SLC12A2: variants seen among roughly 807,000 people sequenced by gnomAD.
SLC12A2 encodes the protein solute carrier family 12 member 2, also known as Na-K-2Cl cotransporter 1.
In SLC12A2, 67 loss-of-function variants were observed where a neutral mutation model predicts 136.3. The ratio of observed to expected loss-of-function variants is 0.49; its 90% confidence interval spans 0.40 to 0.60. SLC12A2 has a LOEUF of 0.60. Among genes scored for constraint, SLC12A2 ranks in the 20% least tolerant of loss-of-function variants. The probability of loss-of-function intolerance (pLI) is 0.00; values close to 1 mark genes in which losing one functional copy is unlikely to be tolerated. For synonymous variants in SLC12A2, 619 were observed against 562.9 expected, an observed-to-expected ratio of 1.10 and a Z score of -1.41; for missense variants, 1,322 against 1,534.7, an observed-to-expected ratio of 0.86 and a Z score of 2.32.
intron 16 of SLC12A2, 41 bp from the exon 17 acceptor site, chr5:128,161,619 T>A (rs1407573679): frequency 4.8e-6 from 6 of 1,239,702 alleles, no homozygotes; most frequent in Non-Finnish European, 6.2e-6. Context: ...TGAAGTTGCT[T>A]ACCTTTTAAT....
chr5:128,126,514 A>G lies in SLC12A2; in HGVS notation c.1049-4553A>G, dbSNP rs534640616. 3.9e-5 allele frequency among the ~76,000 whole-genome samples: 6 copies of G among 152,278 alleles called. No individual in the cohort carries two copies. In the East Asian group the frequency reaches 7.7e-4, roughly 20 times the overall value. On this transcript the variant is annotated intron_variant, in intron 4 of 26. Coordinates refer to ENST00000262461, the MANE Select transcript of SLC12A2 (RefSeq NM_001046.3). The stretch of plus-strand genomic sequence containing the variant: ...AAAAATAGAGCTACCATATGATCCA[A>G]TGCTGTGTATATACCCAAAAGAAAG...
intron 17 of SLC12A2, among the ~76,000 whole-genome samples, chr5:128,162,535 G>A (rs1169352043): frequency 6.6e-6 from 1 of 151,928 alleles, no homozygotes; most frequent in Non-Finnish European, 1.5e-5. Flanking sequence ...GAAGAATGAG[G>A]CACCAAAAGT....
rs764034991 is a variant in SLC12A2, at chr5:128,167,838, G to A, written c.2694G>A (p.Arg898=). The A allele has an allele frequency of 3.1e-6, 5 of 1,601,358 alleles. No homozygotes were observed. The Admixed American group carries it at 5.1e-5, about 16-fold the overall frequency. The change falls in exon 18 of 27, where the codon AGG becomes AGA. Residue 898 remains arginine, a synonymous_variant. Coordinates refer to ENST00000262461, the MANE Select transcript of SLC12A2 (RefSeq NM_001046.3). ...FKKDWLQADM[R]DVDMYINLFH... ...AAGATTGGTTGCAAGCAGATATGAGGGATGTGGATATGTATATAAACTTAT... is the reference window on the plus strand; with the variant it reads ...AAGATTGGTTGCAAGCAGATATGAGAGATGTGGATATGTATATAAACTTAT...
rs1435352419 is a variant in SLC12A2, at chr5:128,138,602, A to G, written c.1414A>G (p.Ile472Val). The G allele has an allele frequency of 6.2e-7, 1 of 1,606,796 alleles. No individual in the cohort carries two copies. The change falls in exon 8 of 27, where the codon ATA (isoleucine) becomes GTA (valine). Residue 472 changes from isoleucine to valine, a missense_variant. By Grantham distance (29) the Ile-to-Val change is conservative. This residue lies in a region of SLC12A2 where 110 missense variants were observed against 114.5 expected (regional missense o/e 0.96). Coordinates refer to ENST00000262461, the MANE Select transcript of SLC12A2 (RefSeq NM_001046.3). ...PKGFFGYKSE[I>V]FNENFGPDFR... ...GAATATTTTGTTCTCTGCAGCTGAA[A>G]TATTTAATGAGAACTTTGGGCCCGA...
At chr5:128,130,153 G>A (rs1249288477) in intron 4 of SLC12A2, among the ~76,000 whole-genome samples, 14 of 151,990 alleles carry the variant, frequency 9.2e-5, no homozygotes, top group Admixed American at 9.2e-4. Context: ...GCTCACACCT[G>A]TGATTCCAGC....
At chr5:128,144,881 A>G (rs185691506) in intron 10 of SLC12A2, among the ~76,000 whole-genome samples, 4 of 152,020 alleles carry the variant, frequency 2.6e-5, no homozygotes, top group Non-Finnish European at 4.4e-5. Flanking sequence ...CATTCATTTT[A>G]TTTACTTGCT....
At chr5:128,131,957 A>G (rs1762038142) in intron 5 of SLC12A2, among the ~76,000 whole-genome samples, 1 of 152,244 alleles carries the variant, frequency 6.6e-6, no homozygotes, top group South Asian at 2.1e-4. Flanking sequence ...GTGAGCCGAG[A>G]TCGCGCCTTT....
chr5:128,125,289 G>C (rs78797627), intron 4 of SLC12A2, among the ~76,000 whole-genome samples: 1 of 152,168 alleles, frequency 6.6e-6, no homozygotes, highest in African/African-American at 2.4e-5. Flanking sequence ...GCCTTACTGC[G>C]TGTGAAATGA....
chr5:128,133,076 A>G (rs1029291193), intron 5 of SLC12A2, among the ~76,000 whole-genome samples: 4 of 152,068 alleles, frequency 2.6e-5, no homozygotes, highest in East Asian at 1.9e-4. Flanking sequence ...GTTTTTTTTC[A>G]AGTAATTCTC....
chr5:128,152,683 G>T, intron 14 of SLC12A2, 23 bp from the exon 15 acceptor site: 1 of 1,432,144 alleles, frequency 7.0e-7, no homozygotes, highest in South Asian at 1.1e-5. Flanking sequence ...TGTTAATGCT[G>T]CATGAACATT....
intron 1 of SLC12A2, chr5:128,111,092 CTGTG>C (rs1761127259): frequency 7.8e-6 from 4 of 514,422 alleles, no homozygotes; most frequent in Non-Finnish European, 1.5e-5. Flanking sequence ...AATATAAAAT[CTGTG>C]TGATTGTTTG....
rs148921913 is a variant in SLC12A2 at position 128,103,146 on chromosome 5, A to G, written c.757-9668A>G. 2.4e-4 allele frequency among the ~76,000 whole-genome samples: 36 copies of G among 152,240 alleles called. No homozygotes were observed. The East Asian group carries it at 6.4e-3, about 27-fold the overall frequency. On this transcript the variant is annotated intron_variant, in intron 1 of 26. Coordinates refer to ENST00000262461, the MANE Select transcript of SLC12A2 (RefSeq NM_001046.3). ...TGGGTTAAAGGTGTGCATTTTTTCAACTTGAAAATAATGCCCAAACTTTTC... is the reference window on the plus strand; with the variant it reads ...TGGGTTAAAGGTGTGCATTTTTTCAGCTTGAAAATAATGCCCAAACTTTTC...
intron 17 of SLC12A2, among the ~76,000 whole-genome samples, chr5:128,166,929 G>T (rs935811457): frequency 6.6e-6 from 1 of 151,806 alleles, no homozygotes; most frequent in African/African-American, 2.4e-5. Context: ...GGATACTTTG[G>T]CCCTCTGTGT....
intron 1 of SLC12A2, among the ~76,000 whole-genome samples, chr5:128,094,083 C>T (rs906191049): frequency 2.0e-5 from 3 of 151,830 alleles, no homozygotes; most frequent in Non-Finnish European, 1.5e-5. Context: ...CTTCATCCTC[C>T]AGTCTAGAAC....
intron 17 of SLC12A2, among the ~76,000 whole-genome samples, chr5:128,162,608 A>G (rs949331062): frequency 1.1e-4 from 17 of 152,174 alleles, no homozygotes; most frequent in African/African-American, 4.1e-4. Flanking sequence ...AAATAAATAA[A>G]GGAAGCATAG....
At chr5:128,091,724 T>G (rs916689129) in intron 1 of SLC12A2, among the ~76,000 whole-genome samples, 2 of 152,092 alleles carry the variant, frequency 1.3e-5, no homozygotes, top group Non-Finnish European at 2.9e-5. Context: ...GGTTTCTAAT[T>G]GGAAGAAGGG....
Position 128,167,580 on chromosome 5 carries a change from T to A in SLC12A2, c.2617-181T>A, listed in dbSNP as rs553856892. Among the ~76,000 whole-genome samples, 6 of 152,228 alleles carry A rather than the reference T, an allele frequency of 3.9e-5. No individual in the cohort carries two copies. The East Asian group carries it at 1.2e-3, about 29-fold the overall frequency. ...AATTATATTTTTGTGTATGTTTAAT[T>A]TTAAGTAATATCAATGGAATAGTAT... is the stretch of plus-strand genomic sequence containing the variant. On this transcript the variant is annotated intron_variant, in intron 17 of 26. Coordinates refer to ENST00000262461, the MANE Select transcript of SLC12A2 (RefSeq NM_001046.3).
In SLC12A2 at chr5:128,177,057, A is replaced by G; in HGVS notation, c.2930-48A>G. On this transcript the variant is annotated intron_variant, in intron 20 of 26. Transcript: ENST00000262461. ...CTGATTACATTTTTATTATTTTATT[A>G]ATATAAAGGCAATTAACATATTTTT... 6 of 1,139,732 alleles carry G rather than the reference A, an allele frequency of 5.3e-6. No individual in the cohort carries two copies. In the South Asian group the frequency reaches 7.7e-5, roughly 15 times the overall value. 70.6% of individuals were successfully genotyped at this position (1,139,732 alleles called of 1,614,324 possible).
chr5:128,138,952 A>C, intron 9 of SLC12A2, 44 bp downstream of exon 9: 2 of 1,263,516 alleles, frequency 1.6e-6, no homozygotes, highest in East Asian at 4.6e-5. Flanking sequence ...AAATTTCATG[A>C]TGTACGTACT....
Sources: allele counts gnomAD v4.1 joint callset (sites outside exome capture counted in the v4.1 genomes callset), GRCh38; gene constraint gnomAD v4.1.1; regional missense constraint gnomAD v4.1.1; transcripts MANE v1.5; gene names NCBI Gene and HGNC (gene_info 2026-07-23, HGNC 2026-07-21).